The following EPHA5 variants were observed in gnomAD, a reference collection of about 807,000 sequenced individuals.
EPHA5 encodes ephrin type-A receptor 5.
A neutral mutation model predicts 105.0 loss-of-function variants in EPHA5; 60 were observed. The observed-to-expected ratio is 0.57, with a 90% confidence interval of 0.46 to 0.71. The LOEUF (loss-of-function observed/expected upper bound fraction) is 0.71, where lower values mean the gene tolerates loss of function less well. EPHA5 is among the 30% of genes least tolerant of loss of function. The pLI is 0.00. For missense variants in EPHA5, 1,218 were observed against 1,274.7 expected (o/e 0.96, Z 0.68); for synonymous variants, 513 against 449.1 (o/e 1.14, Z -1.80).
At chr4:65,588,125 T>C (rs937611419) in intron 3 of EPHA5, among the ~76,000 whole-genome samples, 1 of 152,156 alleles carries the variant, frequency 6.6e-6, no homozygotes, top group African/African-American at 2.4e-5. Context: ...CAGTTGCCCC[T>C]GAAACAGTGG....
intron 3 of EPHA5, among the ~76,000 whole-genome samples, chr4:65,507,920 C>T (rs1248062350): frequency 6.6e-6 from 1 of 150,870 alleles, no homozygotes; most frequent in Non-Finnish European, 1.5e-5. Context: ...AATAGATACC[C>T]AAATTCCCCA....
intron 8 of EPHA5, among the ~76,000 whole-genome samples, chr4:65,389,627 G>A (rs1174087570): frequency 6.6e-6 from 1 of 152,010 alleles, no homozygotes; most frequent in East Asian, 1.9e-4. Context: ...CATTATCTAT[G>A]GAGAGGATCA....
chr4:65,341,100 A>G (rs1008031323), intron 14 of EPHA5, among the ~76,000 whole-genome samples: 4 of 151,788 alleles, frequency 2.6e-5, no homozygotes, highest in African/African-American at 9.7e-5. Flanking sequence ...CTCAATATCT[A>G]ATTATTTCCT....
At chr4:65,519,935 G>T (rs1306863557) in intron 3 of EPHA5, among the ~76,000 whole-genome samples, 1 of 152,136 alleles carries the variant, frequency 6.6e-6, no homozygotes, top group African/African-American at 2.4e-5. Context: ...TCAGTATTGT[G>T]AAAATGGCCA....
chr4:65,522,035 C>T (rs1734781363), intron 3 of EPHA5, among the ~76,000 whole-genome samples: 1 of 151,796 alleles, frequency 6.6e-6, no homozygotes, highest in Non-Finnish European at 1.5e-5. Context: ...AGTTAACATA[C>T]AGTGATGACA....
At chr4:65,570,816 A>G (rs1396472255) in intron 3 of EPHA5, among the ~76,000 whole-genome samples, 1 of 152,048 alleles carries the variant, frequency 6.6e-6, no homozygotes, top group Non-Finnish European at 1.5e-5. Flanking sequence ...TTTAAAACCA[A>G]TAAAAATCTT....
At chr4:65,639,105 A>G (rs1238959306) in intron 2 of EPHA5, among the ~76,000 whole-genome samples, 1 of 152,216 alleles carries the variant, frequency 6.6e-6, no homozygotes, top group African/African-American at 2.4e-5. Flanking sequence ...GTTACTTAAA[A>G]CACATTTTTC....
At chr4:65,533,284 T>C (rs1307221749) in intron 3 of EPHA5, among the ~76,000 whole-genome samples, 2 of 152,092 alleles carry the variant, frequency 1.3e-5, no homozygotes, top group African/African-American at 4.8e-5. Context: ...TTTGAAAAAT[T>C]TTTGCCATAT....
At chr4:65,595,175 T>C (rs1743049823) in intron 3 of EPHA5, among the ~76,000 whole-genome samples, 1 of 151,564 alleles carries the variant, frequency 6.6e-6, no homozygotes, top group African/African-American at 2.4e-5. Flanking sequence ...AAATCTTATT[T>C]CCCTATCTAA....
At chr4:65,574,372 T>A (rs958364823) in intron 3 of EPHA5, 46 of 829,916 alleles carry the variant, frequency 5.5e-5, no homozygotes, top group African/African-American at 7.4e-5. Flanking sequence ...AAAAAAAAAA[T>A]AATAATAATA....
At chr4:65,556,371 G>A (rs1738442823) in intron 3 of EPHA5, among the ~76,000 whole-genome samples, 1 of 152,110 alleles carries the variant, frequency 6.6e-6, no homozygotes, top group South Asian at 2.1e-4. Context: ...ACACTGAGAA[G>A]AGTACACAGC....
chr4:65,363,187 A>G (rs1233829374), intron 11 of EPHA5, among the ~76,000 whole-genome samples: 2 of 151,588 alleles, frequency 1.3e-5, no homozygotes, highest in Non-Finnish European at 3.0e-5. Flanking sequence ...AGTTCAGAGC[A>G]TAGGAAGAAA....
chr4:65,463,579 C>T (rs1297329818), intron 5 of EPHA5, among the ~76,000 whole-genome samples: 1 of 152,012 alleles, frequency 6.6e-6, no homozygotes, highest in Non-Finnish European at 1.5e-5. Flanking sequence ...ATAGGGATTC[C>T]AAACCACTCT....
At chr4:65,559,864 A>T (rs1738832446) in intron 3 of EPHA5, among the ~76,000 whole-genome samples, 1 of 152,136 alleles carries the variant, frequency 6.6e-6, no homozygotes, top group South Asian at 2.1e-4. Context: ...GACAGAATAA[A>T]ATGTCTCGAT....
intron 3 of EPHA5, among the ~76,000 whole-genome samples, chr4:65,519,106 G>T (rs2149275287): frequency 6.6e-6 from 1 of 152,162 alleles, no homozygotes; most frequent in South Asian, 2.1e-4. Flanking sequence ...ACATCAAAAA[G>T]CTTATCCACC....
chr4:65,523,377 C>G (rs561755267), intron 3 of EPHA5, among the ~76,000 whole-genome samples: 5 of 151,976 alleles, frequency 3.3e-5, no homozygotes, highest in Admixed American at 6.6e-5. Flanking sequence ...CTTTTTCACT[C>G]GGTTTGATAT....
chr4:65,660,397 T>G (rs1749455753), intron 1 of EPHA5, among the ~76,000 whole-genome samples: 1 of 152,112 alleles, frequency 6.6e-6, no homozygotes, highest in Non-Finnish European at 1.5e-5. Flanking sequence ...TGAATTCCTT[T>G]TCTCAGATTG....
At chr4:65,368,517 G>A (rs1225652534) in intron 8 of EPHA5, among the ~76,000 whole-genome samples, 2 of 151,908 alleles carry the variant, frequency 1.3e-5, no homozygotes, top group Non-Finnish European at 2.9e-5. Context: ...CAGGAACTAC[G>A]ACCCATCTCT....
rs949165280 is a variant in EPHA5, at chr4:65,441,340, C to T, written c.1403-20775G>A. On this transcript the variant is annotated intron_variant, in intron 5 of 16. Coordinates refer to ENST00000613740, the MANE Select transcript of EPHA5 (RefSeq NM_001281766.3). ...AAAAATAATCTAAAAACATATACTA[C>T]TGAGGGTGTGAGAAAAACAGTATTT... Among the ~76,000 whole-genome samples the T allele has an allele frequency of 6.6e-5, 10 of 151,840 alleles. No individual in the cohort carries two copies. In the East Asian group the frequency reaches 1.7e-3, roughly 26 times the overall value.
Sources: allele counts gnomAD v4.1 joint callset (sites outside exome capture counted in the v4.1 genomes callset), GRCh38; gene constraint gnomAD v4.1.1; transcripts MANE v1.5; gene names NCBI Gene and HGNC (gene_info 2026-07-23, HGNC 2026-07-21).